Variants in PLCXD3 observed in about 807,000 individuals in gnomAD.
PLCXD3 encodes the protein PI-PLC X domain-containing protein 3.
Under a neutral mutation model 25.5 loss-of-function variants are expected in PLCXD3, and 19 were observed. The ratio of observed to expected loss-of-function variants is 0.75; its 90% CI spans 0.52 to 1.09. The LOEUF (loss-of-function observed/expected upper bound fraction) is 1.09, where lower values mean the gene tolerates loss of function less well. Ranked by LOEUF, PLCXD3 falls within the 50% of genes least tolerant of loss-of-function variation. The probability of loss-of-function intolerance (pLI) is 0.00; values close to 1 mark genes in which losing one functional copy is unlikely to be tolerated. For synonymous variants in PLCXD3, 174 were observed against 137.6 expected (o/e 1.26, Z -1.85); for missense variants, 411 against 388.1 (o/e 1.06, Z -0.50).
intron 1 of PLCXD3, among the ~76,000 whole-genome samples, chr5:41,489,492 T>A (rs1748603322): frequency 6.6e-6 from 1 of 152,198 alleles, no homozygotes; most frequent in African/African-American, 2.4e-5. Flanking sequence ...TTGATGGGGA[T>A]GGCCTTGAAT....
At chr5:41,434,598 A>G (rs544756688) in intron 1 of PLCXD3, among the ~76,000 whole-genome samples, 1 of 152,338 alleles carries the variant, frequency 6.6e-6, no homozygotes, top group East Asian at 1.9e-4. Context: ...TTGTATAAGC[A>G]GAATAAGAGC....
intron 2 of PLCXD3, among the ~76,000 whole-genome samples, chr5:41,320,054 A>G (rs1467449321): frequency 6.6e-6 from 1 of 152,188 alleles, no homozygotes; most frequent in African/African-American, 2.4e-5. Flanking sequence ...AGATTGAACT[A>G]GGAAAAAAAT....
At chr5:41,504,760 C>T (rs188028851) in intron 1 of PLCXD3, among the ~76,000 whole-genome samples, 1 of 152,172 alleles carries the variant, frequency 6.6e-6, no homozygotes, top group Non-Finnish European at 1.5e-5. Context: ...AGGAAAATGG[C>T]AGATACCATG....
intron 1 of PLCXD3, among the ~76,000 whole-genome samples, chr5:41,405,793 G>T (rs10063344): frequency 0.88 from 133,443 of 152,018 alleles, 59,021 homozygotes; most frequent in Non-Finnish European, 0.93. Flanking sequence ...GTTTTGTTTT[G>T]TTTACCATTT....
chr5:41,343,736 T>G (rs759746248), intron 2 of PLCXD3, among the ~76,000 whole-genome samples: 2 of 152,136 alleles, frequency 1.3e-5, no homozygotes, highest in Non-Finnish European at 2.9e-5. Context: ...AGAGGAGAAT[T>G]CTGACATTTT....
chr5:41,347,798 G>A (rs541493104), intron 2 of PLCXD3, among the ~76,000 whole-genome samples: 2 of 152,280 alleles, frequency 1.3e-5, no homozygotes, highest in East Asian at 3.9e-4. Context: ...CACCAAAGAG[G>A]TGCAGGAAAG....
chr5:41,481,897 C>A (rs116394660), intron 1 of PLCXD3, among the ~76,000 whole-genome samples: 126 of 152,212 alleles, frequency 8.3e-4, no homozygotes, highest in African/African-American at 2.9e-3. Context: ...TTGCCCCTAC[C>A]AAAATCAAAG....
At chr5:41,449,745 T>C (rs1030996704) in intron 1 of PLCXD3, among the ~76,000 whole-genome samples, 2 of 152,134 alleles carry the variant, frequency 1.3e-5, no homozygotes, top group African/African-American at 4.8e-5. Flanking sequence ...GATATTCATC[T>C]ACCAATTTCC....
At chr5:41,405,770 T>C (rs1286529434) in intron 1 of PLCXD3, among the ~76,000 whole-genome samples, 2 of 150,854 alleles carry the variant, frequency 1.3e-5, no homozygotes, top group Admixed American at 1.3e-4. Flanking sequence ...TTTTTATTTG[T>C]TTGTTTTGTT....
chr5:41,375,177 G>GAT (rs763900672), intron 2 of PLCXD3, among the ~76,000 whole-genome samples: 1 of 151,700 alleles, frequency 6.6e-6, no homozygotes, highest in Non-Finnish European at 1.5e-5. Flanking sequence ...GAGAGAAAGA[G>GAT]AAAGAGAGAG....
chr5:41,506,285 C>T (rs999317228), intron 1 of PLCXD3, among the ~76,000 whole-genome samples: 2 of 152,142 alleles, frequency 1.3e-5, no homozygotes, highest in Non-Finnish European at 2.9e-5. Flanking sequence ...TAACAATAGT[C>T]GAGGATTTGA....
chr5:41,426,091 G>A (rs1746949940), intron 1 of PLCXD3, among the ~76,000 whole-genome samples: 1 of 152,152 alleles, frequency 6.6e-6, no homozygotes, highest in Admixed American at 6.6e-5. Context: ...GAGAGCTCCT[G>A]TTGCTCCACA....
chr5:41,481,563 A>G (rs1433098587), intron 1 of PLCXD3, among the ~76,000 whole-genome samples: 3 of 152,228 alleles, frequency 2.0e-5, no homozygotes, highest in Non-Finnish European at 2.9e-5. Flanking sequence ...GTACTCTCCA[A>G]CAGCTTCTGA....
chr5:41,416,535 TGCCCAGG>T (rs1443138016), intron 1 of PLCXD3, among the ~76,000 whole-genome samples: 1 of 152,184 alleles, frequency 6.6e-6, no homozygotes, highest in African/African-American at 2.4e-5. Context: ...ACCAGTGTAG[TGCCCAGG>T]GCCAAGTGAG....
At position 41,340,868 on chromosome 5, in the gene PLCXD3, C is replaced by T. The variant is rs572762828; in HGVS notation, c.813-27098G>A. ...TTTGAAAATATTTTTAATTGTGTGA[C>T]CTTTTAGCTACTAATAATAGAATGT... is the stretch of plus-strand genomic sequence containing the variant. On this transcript the variant is annotated intron_variant, in intron 2 of 2. Coordinates refer to ENST00000377801, the MANE Select transcript of PLCXD3 (RefSeq NM_001005473.3). Among the ~76,000 whole-genome samples, 6 of 152,148 alleles carry T rather than the reference C, an allele frequency of 3.9e-5. No individual in the cohort carries two copies. In the South Asian group the frequency reaches 1.2e-3, roughly 32 times the overall value.
intron 2 of PLCXD3, among the ~76,000 whole-genome samples, chr5:41,341,946 A>C (rs1744164386): frequency 6.6e-6 from 1 of 152,168 alleles, no homozygotes. Context: ...CACAGTAAGA[A>C]ATTTCCACCA....
intron 2 of PLCXD3, among the ~76,000 whole-genome samples, chr5:41,315,314 G>C (rs149568296): frequency 0.018 from 2,797 of 152,132 alleles, 57 homozygotes; most frequent in Admixed American, 0.03. Context: ...GGATGAAATG[G>C]AGAGGGAGAG....
In PLCXD3 at chr5:41,311,101, T is replaced by C. The variant is rs953403741; in HGVS notation, c.*2516A>G. 3.3e-5 allele frequency: 5 copies of C among 152,196 alleles called. No individual in the cohort carries two copies. The highest frequency in any genetic ancestry group is 1.2e-4 in the African/African-American group (5 of 41,452). The allele number at this position is 152,196 out of a possible 1,614,324, so 9.4% of individuals were successfully genotyped here. ...ATGATGAAAAATCTGTTTTCCATTA[T>C]ATTTATAAAATTAAATTCATGTGTC... On this transcript the variant is annotated 3_prime_UTR_variant, in exon 3 of 3. Coordinates refer to ENST00000377801, the MANE Select transcript of PLCXD3 (RefSeq NM_001005473.3).
chr5:41,388,563 T>G (rs1745711708), intron 1 of PLCXD3, among the ~76,000 whole-genome samples: 1 of 152,046 alleles, frequency 6.6e-6, no homozygotes. Context: ...AAGTAGACTT[T>G]AGACTTGCAG....
Sources: gnomAD v4.1 joint callset for allele counts (sites outside exome capture counted in the v4.1 genomes callset) on GRCh38, gnomAD v4.1.1 for gene constraint, MANE v1.5 for transcripts, NCBI Gene and HGNC (gene_info 2026-07-23, HGNC 2026-07-21) for gene names.